Variants in TENM3 observed in about 807,000 individuals in gnomAD.
The protein encoded by TENM3 is teneurin-3.
A neutral mutation model predicts 255.1 loss-of-function variants in TENM3; 63 were observed. The observed-to-expected ratio is 0.25, with a 90% CI of 0.20 to 0.30. The LOEUF is 0.30. TENM3 is among the 10% of genes least tolerant of loss of function. The pLI is 1.00. For missense variants in TENM3, 2,929 were observed against 3,461.1 expected, an observed-to-expected ratio of 0.85 and a Z score of 3.86; for synonymous variants, 1,306 against 1,322.3, an observed-to-expected ratio of 0.99 and a Z score of 0.27.
intron 4 of TENM3, among the ~76,000 whole-genome samples, chr4:182,619,160 G>A (rs192454628): frequency 1.3e-5 from 2 of 152,232 alleles, no homozygotes; most frequent in Admixed American, 1.3e-4. Context: ...AGGTGTGGTG[G>A]CTCACACCTG....
At chr4:182,579,365 A>G (rs1745259246) in intron 3 of TENM3, among the ~76,000 whole-genome samples, 1 of 131,830 alleles carries the variant, frequency 7.6e-6, no homozygotes, top group South Asian at 2.6e-4. Context: ...GCAATGGGAA[A>G]ACAGAGGAAA....
chr4:181,673,143 T>C, the TENM3 span, among the ~76,000 whole-genome samples: 1 of 152,186 alleles, frequency 6.6e-6, no homozygotes, highest in Non-Finnish European at 1.5e-5. Flanking sequence ...AATTCAGCCA[T>C]GTTCCACAGG....
intron 7 of TENM3, among the ~76,000 whole-genome samples, chr4:182,679,138 C>T (rs1755899554): frequency 6.6e-6 from 1 of 151,958 alleles, no homozygotes; most frequent in African/African-American, 2.4e-5. Context: ...CAGCAAACCA[C>T]CATGGCACGT....
chr4:182,083,186 G>A, the TENM3 span, among the ~76,000 whole-genome samples: 1 of 152,142 alleles, frequency 6.6e-6, no homozygotes, highest in Non-Finnish European at 1.5e-5. Flanking sequence ...AACTTCTATT[G>A]TACTAGTGAA....
At chr4:182,667,178 T>G (rs575661821) in intron 6 of TENM3, among the ~76,000 whole-genome samples, 7 of 83,232 alleles carry the variant, frequency 8.4e-5, no homozygotes, top group Non-Finnish European at 1.7e-4. Flanking sequence ...ACCATTTTTT[T>G]GTTTTGTTTT....
chr4:182,086,125 T>C, the TENM3 span, among the ~76,000 whole-genome samples: 1 of 152,142 alleles, frequency 6.6e-6, no homozygotes, highest in Non-Finnish European at 1.5e-5. Flanking sequence ...TGGATGTCAA[T>C]ATTAAACTAT....
chr4:182,468,834 G>A (rs1732843367), intron 3 of TENM3, among the ~76,000 whole-genome samples: 1 of 82,034 alleles, frequency 1.2e-5, no homozygotes, highest in Non-Finnish European at 3.2e-5. Flanking sequence ...TTGTGTGTGT[G>A]TGTGTGTGTG....
At chr4:182,170,234 A>G (rs78654416) in intron 1 of TENM3, among the ~76,000 whole-genome samples, 117 of 152,226 alleles carry the variant, frequency 7.7e-4, no homozygotes, top group African/African-American at 2.7e-3. Context: ...GTAATGTCAG[A>G]TAAGTGATGT....
At chr4:182,174,527 C>CACAA (rs1554026054) in intron 1 of TENM3, among the ~76,000 whole-genome samples, 25 of 149,968 alleles carry the variant, frequency 1.7e-4, no homozygotes, top group African/African-American at 2.5e-4. Flanking sequence ...CACACACACA[C>CACAA]ACACAAACAC....
chr4:182,592,364 C>T (rs185151063), intron 3 of TENM3, among the ~76,000 whole-genome samples: 175 of 152,264 alleles, frequency 1.1e-3, no homozygotes, highest in African/African-American at 4.0e-3. Context: ...AAATCAAAAA[C>T]CAACTCTCGT....
the TENM3 span, among the ~76,000 whole-genome samples, chr4:181,905,637 G>C: frequency 7.0e-6 from 1 of 143,308 alleles, no homozygotes; most frequent in Non-Finnish European, 1.5e-5. Flanking sequence ...AATATGTTTT[G>C]ATGTTTACAT....
intron 22 of TENM3, chr4:182,772,421 G>A (rs1326003668): frequency 1.3e-5 from 2 of 152,144 alleles, no homozygotes; most frequent in African/African-American, 2.4e-5. Context: ...ACTTCAAGTA[G>A]GATGTTGATT....
At chr4:182,110,345 G>C in the TENM3 span, among the ~76,000 whole-genome samples, 1 of 151,740 alleles carries the variant, frequency 6.6e-6, no homozygotes, top group East Asian at 2.0e-4. Context: ...TATTTATTGA[G>C]ACAGGGTCTC....
At chr4:182,733,797 A>G (rs537069465) in intron 16 of TENM3, among the ~76,000 whole-genome samples, 1 of 152,322 alleles carries the variant, frequency 6.6e-6, no homozygotes. Flanking sequence ...CAATCAATTT[A>G]ATACTTCCTC....
At chr4:182,687,191 G>T (rs553845525) in intron 11 of TENM3, among the ~76,000 whole-genome samples, 21 of 152,174 alleles carry the variant, frequency 1.4e-4, no homozygotes, top group Non-Finnish European at 2.1e-4. Flanking sequence ...GGTTTTTATT[G>T]TTCAGTGCTT....
the TENM3 span, among the ~76,000 whole-genome samples, chr4:181,911,613 G>A: frequency 6.6e-6 from 1 of 152,156 alleles, no homozygotes; most frequent in Non-Finnish European, 1.5e-5. Flanking sequence ...AAGTAAACTT[G>A]GGAACAGCTG....
chr4:181,509,098 G>C, the TENM3 span, among the ~76,000 whole-genome samples: 7 of 151,788 alleles, frequency 4.6e-5, no homozygotes, highest in African/African-American at 1.7e-4. Flanking sequence ...GAGATCATAG[G>C]GAGGAAAGAA....
chr4:182,308,903 CAAT>C (rs1762284782), intron 1 of TENM3, among the ~76,000 whole-genome samples: 1 of 128,490 alleles, frequency 7.8e-6, no homozygotes, highest in Non-Finnish European at 1.7e-5. Flanking sequence ...TAAAAACAAA[CAAT>C]AAACACCCAC....
intron 3 of TENM3, among the ~76,000 whole-genome samples, chr4:182,375,638 T>G (rs962975554): frequency 6.6e-6 from 1 of 152,084 alleles, no homozygotes; most frequent in African/African-American, 2.4e-5. Context: ...ACCTCCCAGG[T>G]TCTAGCAGTT....
Sources: allele counts gnomAD v4.1 joint callset (sites outside exome capture counted in the v4.1 genomes callset), GRCh38; gene constraint gnomAD v4.1.1; transcripts MANE v1.5; gene names NCBI Gene and HGNC (gene_info 2026-07-23, HGNC 2026-07-21).